The following KCTD1 variants were observed in gnomAD, a reference collection of about 807,000 sequenced individuals.
KCTD1 encodes the protein potassium channel tetramerization domain containing 1, also known as BTB/POZ domain-containing protein KCTD1.
A neutral mutation model predicts 66.0 loss-of-function variants in KCTD1; 24 were observed. The observed-to-expected ratio is 0.36, with a 90% CI of 0.26 to 0.51. KCTD1 has a LOEUF of 0.51. Ranked by LOEUF, KCTD1 falls within the 20% of genes least tolerant of loss-of-function variation. The pLI, the probability that KCTD1 is intolerant of heterozygous loss-of-function variation, is 0.95. For synonymous variants in KCTD1, 511 were observed against 517.2 expected (o/e 0.99, Z 0.16); for missense variants, 943 against 1,205.2 (o/e 0.78, Z 3.22).
At chr18:26,496,313 C>A (rs974594690) in intron 2 of KCTD1, among the ~76,000 whole-genome samples, 6 of 152,134 alleles carry the variant, frequency 3.9e-5, no homozygotes, top group African/African-American at 1.4e-4. Context: ...CTTCTTTATC[C>A]ATTTATAATT....
intron 1 of KCTD1, among the ~76,000 whole-genome samples, chr18:26,564,398 A>G (rs1039691398): frequency 2.6e-5 from 4 of 152,058 alleles, no homozygotes; most frequent in Admixed American, 6.6e-5. Context: ...CCTTTCTCCA[A>G]ACAGCTCCCC....
At chr18:26,523,711 G>A (rs958924477) in intron 1 of KCTD1, among the ~76,000 whole-genome samples, 4 of 152,236 alleles carry the variant, frequency 2.6e-5, no homozygotes, top group Non-Finnish European at 5.9e-5. Flanking sequence ...GTGGTTTTCT[G>A]AGAATCTTAC....
intron 1 of KCTD1, among the ~76,000 whole-genome samples, chr18:26,542,480 C>G (rs1486252348): frequency 6.6e-6 from 1 of 152,152 alleles, no homozygotes; most frequent in African/African-American, 2.4e-5. Flanking sequence ...CACAGGAACT[C>G]CTGTATCGAT....
intron 1 of KCTD1, among the ~76,000 whole-genome samples, chr18:26,627,634 C>T (rs574457077): frequency 5.9e-5 from 9 of 152,300 alleles, no homozygotes; most frequent in Admixed American, 5.9e-4. Context: ...GGCCACCTGA[C>T]TTCCCTTAAA....
At chr18:26,462,671 T>G (rs1980498887) in intron 3 of KCTD1, among the ~76,000 whole-genome samples, 1 of 152,234 alleles carries the variant, frequency 6.6e-6, no homozygotes, top group Non-Finnish European at 1.5e-5. Context: ...CTTTCTATCC[T>G]GTCTAACACC....
chr18:26,595,383 A>G (rs747018442), intron 1 of KCTD1, among the ~76,000 whole-genome samples: 1 of 152,220 alleles, frequency 6.6e-6, no homozygotes, highest in South Asian at 2.1e-4. Flanking sequence ...CCCAGTTTTT[A>G]GGTAAACATT....
intron 1 of KCTD1, among the ~76,000 whole-genome samples, chr18:26,526,839 T>C (rs1482530314): frequency 6.6e-6 from 1 of 151,690 alleles, no homozygotes; most frequent in Non-Finnish European, 1.5e-5. Flanking sequence ...AGAACTGGTA[T>C]TTTCAGTCCC....
rs1980332398 is a variant in KCTD1 at position 26,460,017 on chromosome 18, GT to G, written c.2134-93del. ...AAGAGGTGATTTTTTTCCACTTCTT[GT>G]TATGTCACTAATCAAATCTGCATGT... is the stretch of plus-strand genomic sequence containing the variant. On this transcript the variant is annotated intron_variant, in intron 3 of 4. Coordinates refer to ENST00000580059, the MANE Select transcript of KCTD1 (RefSeq NM_001142730.3). 5.3e-6 allele frequency: 5 copies of G among 940,194 alleles called. No individual in the cohort carries two copies. The African/African-American group carries it at 8.2e-5, about 15-fold the overall frequency. The allele number at this position is 940,194 out of a possible 1,614,324, so 58.2% of individuals were successfully genotyped here. A position where few individuals can be genotyped will look rare whatever the true frequency, so the allele number is the denominator to read the frequency against.
intron 3 of KCTD1, among the ~76,000 whole-genome samples, chr18:26,472,065 T>C (rs557527714): frequency 1.6e-4 from 24 of 152,120 alleles, no homozygotes; most frequent in Non-Finnish European, 2.8e-4. Flanking sequence ...AGGTGGATTC[T>C]GGCATCTTTT....
At chr18:26,497,977 G>A (rs79966400) in intron 2 of KCTD1, among the ~76,000 whole-genome samples, 1,842 of 152,294 alleles carry the variant, frequency 0.012, 36 homozygotes, top group African/African-American at 0.042. Flanking sequence ...TGGAATTTGA[G>A]AAGAAACAAT....
chr18:26,495,406 G>T (rs1006509895), intron 2 of KCTD1, among the ~76,000 whole-genome samples: 2 of 152,090 alleles, frequency 1.3e-5, no homozygotes, highest in Non-Finnish European at 2.9e-5. Context: ...TCCGGTAATG[G>T]CTAACCCATC....
intron 1 of KCTD1, among the ~76,000 whole-genome samples, chr18:26,570,726 GGAT>G (rs1214124463): frequency 1.3e-5 from 2 of 152,104 alleles, no homozygotes; most frequent in African/African-American, 4.8e-5. Flanking sequence ...TACTTTCTGA[GGAT>G]GCACAGGTAT....
chr18:26,478,619 G>T (rs1417940695), intron 2 of KCTD1, among the ~76,000 whole-genome samples: 1 of 152,164 alleles, frequency 6.6e-6, no homozygotes, highest in African/African-American at 2.4e-5. Flanking sequence ...AGACTTGGAT[G>T]TACGCTTGCA....
intron 1 of KCTD1, among the ~76,000 whole-genome samples, chr18:26,510,504 C>T (rs1983277179): frequency 6.6e-6 from 1 of 152,194 alleles, no homozygotes; most frequent in Non-Finnish European, 1.5e-5. Context: ...TGCTGTTTAT[C>T]TATTTCACTG....
intron 3 of KCTD1, among the ~76,000 whole-genome samples, chr18:26,461,611 G>A (rs937118788): frequency 1.3e-5 from 2 of 152,214 alleles, no homozygotes; most frequent in African/African-American, 4.8e-5. Flanking sequence ...GTTCCTCCTG[G>A]TTCTACCTGG....
intron 1 of KCTD1, among the ~76,000 whole-genome samples, chr18:26,546,025 G>A (rs1325194888): frequency 6.6e-6 from 1 of 152,084 alleles, no homozygotes; most frequent in Non-Finnish European, 1.5e-5. Context: ...GCTAGGGGGA[G>A]ACAGCAATGT....
chr18:26,508,517 A>G (rs1983164576), intron 1 of KCTD1, among the ~76,000 whole-genome samples: 1 of 152,166 alleles, frequency 6.6e-6, no homozygotes, highest in African/African-American at 2.4e-5. Context: ...ACGTTTCACT[A>G]TTGAGTTTGA....
At chr18:26,523,210 G>T (rs1983999297) in intron 1 of KCTD1, among the ~76,000 whole-genome samples, 1 of 152,110 alleles carries the variant, frequency 6.6e-6, no homozygotes, top group Non-Finnish European at 1.5e-5. Context: ...AGTTAAACAG[G>T]CTTCTTTATA....
At chr18:26,568,495 C>T (rs2144892941) in intron 1 of KCTD1, among the ~76,000 whole-genome samples, 1 of 152,114 alleles carries the variant, frequency 6.6e-6, no homozygotes, top group East Asian at 1.9e-4. Flanking sequence ...CCTCGGCCTC[C>T]CAAGGTGCTG....
Sources: allele counts gnomAD v4.1 joint callset (sites outside exome capture counted in the v4.1 genomes callset), GRCh38; gene constraint gnomAD v4.1.1; transcripts MANE v1.5; gene names NCBI Gene and HGNC (gene_info 2026-07-23, HGNC 2026-07-21).